Variants in GRIK1 observed in about 807,000 individuals in gnomAD.
GRIK1 encodes glutamate receptor ionotropic, kainate 1.
Under a neutral mutation model 105.7 loss-of-function variants are expected in GRIK1, and 69 were observed. That is an observed-to-expected ratio of 0.65 (90% CI 0.54 to 0.80). The LOEUF (loss-of-function observed/expected upper bound fraction) is 0.80, where lower values mean the gene tolerates loss of function less well. Ranked by LOEUF, GRIK1 falls within the 30% of genes least tolerant of loss-of-function variation. The pLI, the probability that GRIK1 is intolerant of heterozygous loss-of-function variation, is 0.00. For synonymous variants in GRIK1, 438 were observed against 431.3 expected, an observed-to-expected ratio of 1.02 and a Z score of -0.19; for missense variants, 1,109 against 1,167.3, an observed-to-expected ratio of 0.95 and a Z score of 0.73.
intron 1 of GRIK1, among the ~76,000 whole-genome samples, chr21:29,855,703 G>C (rs141273304): frequency 1.1e-3 from 162 of 152,278 alleles, no homozygotes; most frequent in African/African-American, 3.6e-3. Context: ...TGGGGAAAGA[G>C]GCATAGGAAA....
intron 1 of GRIK1, among the ~76,000 whole-genome samples, chr21:29,887,985 T>G (rs2069700461): frequency 6.6e-6 from 1 of 151,536 alleles, no homozygotes; most frequent in Non-Finnish European, 1.5e-5. Flanking sequence ...GATTGGCAAC[T>G]AGAAGTATCA....
intron 1 of GRIK1, among the ~76,000 whole-genome samples, chr21:29,869,194 C>G (rs1489185673): frequency 6.6e-6 from 1 of 152,116 alleles, no homozygotes; most frequent in Non-Finnish European, 1.5e-5. Context: ...AGTTTCTCTA[C>G]AAATAAATAT....
intron 1 of GRIK1, among the ~76,000 whole-genome samples, chr21:29,713,833 TG>T (rs1160200999): frequency 2.6e-5 from 4 of 152,188 alleles, no homozygotes; most frequent in Non-Finnish European, 4.4e-5. Flanking sequence ...CTCTGCCATT[TG>T]TTTTTTTTTG....
At chr21:29,650,094 C>G (rs936557098) in intron 6 of GRIK1, among the ~76,000 whole-genome samples, 1 of 152,184 alleles carries the variant, frequency 6.6e-6, no homozygotes, top group Non-Finnish European at 1.5e-5. Flanking sequence ...CCATCATTAT[C>G]TCTCAGTTCA....
In GRIK1 at chr21:29,700,901, C is replaced by CA. The variant is rs201909771; in HGVS notation, c.119-6839dup. Among the ~76,000 whole-genome samples the CA allele has an allele frequency of 3.2e-3, 492 of 151,728 alleles. 1 individual carries two copies. The highest frequency in any genetic ancestry group is 8.7e-3 in the East Asian group (45 of 5,160). ...CTCATTTAATGATGGAAAAAACAAA[C>CA]AAAAAAAACACAGGAAAATAATGGT... On this transcript the variant is annotated intron_variant, in intron 1 of 17. Transcript: ENST00000327783.
chr21:29,568,030 A>G (rs924475846), intron 14 of GRIK1, among the ~76,000 whole-genome samples: 1 of 152,236 alleles, frequency 6.6e-6, no homozygotes, highest in Non-Finnish European at 1.5e-5. Flanking sequence ...GATTCCCTTT[A>G]GAAAATTCCC....
At chr21:29,763,871 C>G (rs796709160) in intron 1 of GRIK1, 72 of 152,352 alleles carry the variant, frequency 4.7e-4, no homozygotes, top group African/African-American at 1.7e-3. Context: ...AGGTTTCACT[C>G]TGGCATACTC....
At chr21:29,590,233 C>T (rs905599163) in intron 10 of GRIK1, among the ~76,000 whole-genome samples, 4 of 152,110 alleles carry the variant, frequency 2.6e-5, no homozygotes, top group African/African-American at 9.7e-5. Context: ...AAAGTAGTAA[C>T]CAGAAGAGCA....
intron 1 of GRIK1, among the ~76,000 whole-genome samples, chr21:29,816,690 A>T (rs1325012744): frequency 6.6e-6 from 1 of 152,172 alleles, no homozygotes; most frequent in Non-Finnish European, 1.5e-5. Flanking sequence ...TAAGCCAAGC[A>T]CAGAAAGTCA....
At chr21:29,872,769 G>A (rs1003232203) in intron 1 of GRIK1, among the ~76,000 whole-genome samples, 1 of 152,166 alleles carries the variant, frequency 6.6e-6, no homozygotes, top group Non-Finnish European at 1.5e-5. Context: ...CAGATCTCAT[G>A]AGACTTACTC....
intron 16 of GRIK1, among the ~76,000 whole-genome samples, chr21:29,550,964 A>G (rs899554422): frequency 2.0e-5 from 3 of 152,248 alleles, no homozygotes; most frequent in Admixed American, 6.5e-5. Flanking sequence ...TAAAGAATAC[A>G]TAATTATTTA....
chr21:29,667,177 C>G (rs1442851862), intron 4 of GRIK1, among the ~76,000 whole-genome samples: 1 of 152,138 alleles, frequency 6.6e-6, no homozygotes, highest in Non-Finnish European at 1.5e-5. Context: ...GTGTGCCATG[C>G]TTGACTTGAT....
intron 1 of GRIK1, among the ~76,000 whole-genome samples, chr21:29,848,775 A>ATT (rs1377759637): frequency 0.025 from 2,227 of 89,754 alleles, 26 homozygotes; most frequent in South Asian, 0.047. Flanking sequence ...ATATATATAT[A>ATT]TATATTTTTT....
intron 1 of GRIK1, among the ~76,000 whole-genome samples, chr21:29,845,719 CT>C (rs1442680765): frequency 6.6e-6 from 1 of 151,314 alleles, no homozygotes; most frequent in African/African-American, 2.4e-5. Context: ...TTCTTTTTCC[CT>C]TTAAATTTCC....
intron 1 of GRIK1, among the ~76,000 whole-genome samples, chr21:29,792,774 T>C (rs774999349): frequency 2.0e-5 from 3 of 152,214 alleles, no homozygotes; most frequent in Admixed American, 6.5e-5. Context: ...TTCCTATTCA[T>C]GATGCGACTT....
chr21:29,764,913 A>G (rs555745947), intron 1 of GRIK1, among the ~76,000 whole-genome samples: 5 of 152,350 alleles, frequency 3.3e-5, no homozygotes, highest in Admixed American at 6.5e-5. Flanking sequence ...CAGAAAACTT[A>G]GGGCTTTCAG....
At chr21:29,703,830 C>G (rs1038044370) in intron 1 of GRIK1, among the ~76,000 whole-genome samples, 1 of 152,106 alleles carries the variant, frequency 6.6e-6, no homozygotes, top group African/African-American at 2.4e-5. Context: ...GTATTAGTAT[C>G]CTTTAGAGGG....
intron 1 of GRIK1, among the ~76,000 whole-genome samples, chr21:29,815,886 C>G (rs1011598123): frequency 3.3e-5 from 5 of 152,010 alleles, no homozygotes; most frequent in Admixed American, 3.3e-4. Context: ...GGACACTGGT[C>G]TAGGCAAAAA....
intron 1 of GRIK1, among the ~76,000 whole-genome samples, chr21:29,783,698 C>A (rs946422418): frequency 6.6e-6 from 1 of 152,020 alleles, no homozygotes; most frequent in African/African-American, 2.4e-5. Context: ...CTGCATTTAT[C>A]TTATACTATA....
Sources: gnomAD v4.1 joint callset for allele counts (sites outside exome capture counted in the v4.1 genomes callset) on GRCh38, gnomAD v4.1.1 for gene constraint, MANE v1.5 for transcripts, NCBI Gene and HGNC (gene_info 2026-07-23, HGNC 2026-07-21) for gene names.